LUZP2: variants seen among roughly 807,000 people sequenced by gnomAD.
LUZP2 encodes leucine zipper protein 2.
LUZP2 carries 52 observed loss-of-function variants against 51.6 expected under a neutral mutation model. The observed-to-expected ratio is 1.01, with a 90% CI of 0.81 to 1.27. LUZP2 has a LOEUF of 1.27. Ranked by LOEUF, LUZP2 falls within the 50% of genes most tolerant of loss-of-function variation. The pLI is 0.00. For synonymous variants in LUZP2, 154 were observed against 137.3 expected (o/e 1.12, Z -0.85); for missense variants, 436 against 395.4 (o/e 1.10, Z -0.87).
chr11:24,635,435 T>C, intron 1 of LUZP2, among the ~76,000 whole-genome samples: 1 of 151,832 alleles, frequency 6.6e-6, no homozygotes, highest in African/African-American at 2.4e-5. Flanking sequence ...TGTGTGTGTG[T>C]GTGTGTATTC....
At chr11:25,063,187 T>C (rs906882358) in intron 10 of LUZP2, among the ~76,000 whole-genome samples, 2 of 151,774 alleles carry the variant, frequency 1.3e-5, no homozygotes, top group African/African-American at 4.8e-5. Context: ...ATCACATTCC[T>C]ATTATATTAG....
intron 1 of LUZP2, among the ~76,000 whole-genome samples, chr11:24,662,808 C>T (rs1856065193): frequency 6.6e-6 from 1 of 151,906 alleles, no homozygotes. Flanking sequence ...AATTATTTGT[C>T]AAAATGGTAA....
At chr11:24,630,673 C>CTATTTTTTTTTT (rs375008402) in intron 1 of LUZP2, among the ~76,000 whole-genome samples, 1 of 131,658 alleles carries the variant, frequency 7.6e-6, no homozygotes. Flanking sequence ...GCTATTCCGA[C>CTATTTTTTTTTT]TTTTTTTTTT....
At chr11:24,857,218 T>C (rs1011536851) in intron 5 of LUZP2, among the ~76,000 whole-genome samples, 1 of 150,514 alleles carries the variant, frequency 6.6e-6, no homozygotes, top group Admixed American at 6.6e-5. Flanking sequence ...TCCTTAATTG[T>C]TTACAGTCCA....
In LUZP2 at chr11:25,036,957, T is replaced by C. The variant is rs988134942; in HGVS notation, c.766-13081T>C. On this transcript the variant is annotated intron_variant, in intron 9 of 11. Transcript: ENST00000336930. ...GTTGTTGAGTGGAGTATTGTGTAGATGTCTATTAGGTCTAATTAGACAAGC... is the reference window on the plus strand; with the variant it reads ...GTTGTTGAGTGGAGTATTGTGTAGACGTCTATTAGGTCTAATTAGACAAGC... Among the ~76,000 whole-genome samples the C allele has an allele frequency of 2.6e-5, 4 of 152,312 alleles. No individual in the cohort carries two copies. The East Asian group carries it at 5.8e-4, about 22-fold the overall frequency.
intron 9 of LUZP2, among the ~76,000 whole-genome samples, chr11:25,046,947 T>C (rs1200416949): frequency 6.6e-6 from 1 of 152,168 alleles, no homozygotes; most frequent in East Asian, 1.9e-4. Flanking sequence ...GTAACAGAAA[T>C]AAAAGTAGAT....
At chr11:24,552,838 C>A (rs1291170632) in intron 1 of LUZP2, among the ~76,000 whole-genome samples, 1 of 151,338 alleles carries the variant, frequency 6.6e-6, no homozygotes, top group Admixed American at 6.6e-5. Context: ...TTAAAAAAGT[C>A]TTTTATACTA....
chr11:24,960,600 T>C (rs1370090025), intron 7 of LUZP2, among the ~76,000 whole-genome samples: 2 of 152,126 alleles, frequency 1.3e-5, no homozygotes, highest in African/African-American at 2.4e-5. Context: ...ATATCCCCTT[T>C]ATCATTTTTT....
chr11:25,015,884 G>C (rs946330867), intron 9 of LUZP2, among the ~76,000 whole-genome samples: 1 of 150,558 alleles, frequency 6.6e-6, no homozygotes, highest in Non-Finnish European at 1.5e-5. Flanking sequence ...GTATAGTAGT[G>C]AAGTGTGAAT....
At chr11:24,503,250 AT>A (rs1231769890) in intron 1 of LUZP2, among the ~76,000 whole-genome samples, 13 of 152,174 alleles carry the variant, frequency 8.5e-5, no homozygotes, top group Admixed American at 6.5e-4. Flanking sequence ...ATTTCTCTTT[AT>A]TTTGCTATAG....
chr11:25,044,543 T>C (rs2134013220), intron 9 of LUZP2, among the ~76,000 whole-genome samples: 2 of 152,188 alleles, frequency 1.3e-5, no homozygotes, highest in Admixed American at 1.3e-4. Context: ...AATTAACTTT[T>C]ATACTTTTGT....
At chr11:24,660,932 A>G (rs1856000865) in intron 1 of LUZP2, among the ~76,000 whole-genome samples, 1 of 152,200 alleles carries the variant, frequency 6.6e-6, no homozygotes, top group Non-Finnish European at 1.5e-5. Context: ...TAGTTTTATC[A>G]GAAATCTTGA....
At chr11:25,061,973 C>T (rs920381347) in intron 10 of LUZP2, among the ~76,000 whole-genome samples, 3 of 151,758 alleles carry the variant, frequency 2.0e-5, no homozygotes, top group African/African-American at 4.8e-5. Context: ...GTGTATTGCC[C>T]GACATGCCAG....
intron 7 of LUZP2, among the ~76,000 whole-genome samples, chr11:24,955,425 A>G (rs1855186371): frequency 6.6e-6 from 1 of 152,016 alleles, no homozygotes. Context: ...TAAAATTTAT[A>G]AAATGGCTGG....
chr11:24,750,125 T>A (rs1416502485), intron 4 of LUZP2, among the ~76,000 whole-genome samples: 1 of 152,232 alleles, frequency 6.6e-6, no homozygotes, highest in Non-Finnish European at 1.5e-5. Context: ...CTGGATGTTA[T>A]TCAGAACCTG....
intron 1 of LUZP2, among the ~76,000 whole-genome samples, chr11:24,652,363 G>A (rs986062458): frequency 6.6e-5 from 10 of 152,014 alleles, no homozygotes; most frequent in African/African-American, 1.9e-4. Flanking sequence ...TTTTAACAAA[G>A]GGGTCATAAG....
chr11:24,692,221 T>A (rs1857094217), intron 1 of LUZP2, among the ~76,000 whole-genome samples: 1 of 151,930 alleles, frequency 6.6e-6, no homozygotes, highest in Admixed American at 6.6e-5. Context: ...TGTGAAGAAG[T>A]AATTGTTGTT....
chr11:25,053,949 A>G (rs1467598081), intron 10 of LUZP2, among the ~76,000 whole-genome samples: 1 of 152,162 alleles, frequency 6.6e-6, no homozygotes, highest in Non-Finnish European at 1.5e-5. Flanking sequence ...GTTCTCAGAA[A>G]GGTAAAATTC....
chr11:24,704,222 A>T (rs1180052414), intron 1 of LUZP2, among the ~76,000 whole-genome samples: 1 of 152,200 alleles, frequency 6.6e-6, no homozygotes, highest in Non-Finnish European at 1.5e-5. Flanking sequence ...GGAAGCAAAC[A>T]TGAAATGGTC....
Sources: allele counts gnomAD v4.1 joint callset (sites outside exome capture counted in the v4.1 genomes callset), GRCh38; gene constraint gnomAD v4.1.1; transcripts MANE v1.5; gene names NCBI Gene and HGNC (gene_info 2026-07-23, HGNC 2026-07-21).